Variants in IQCJ observed in about 807,000 individuals in gnomAD.
IQCJ encodes IQ motif containing J, also known as IQ domain-containing protein J.
A neutral mutation model predicts 11.0 loss-of-function variants in IQCJ; 9 were observed. The ratio of observed to expected loss-of-function variants is 0.82; its 90% CI spans 0.49 to 1.43. IQCJ has a LOEUF of 1.43. Ranked by LOEUF, IQCJ falls within the 40% of genes most tolerant of loss-of-function variation. IQCJ has a pLI of 0.00. For synonymous variants in IQCJ, 55 were observed against 51.3 expected, an observed-to-expected ratio of 1.07 and a Z score of -0.31; for missense variants, 146 against 133.2, an observed-to-expected ratio of 1.10 and a Z score of -0.47.
intron 1 of IQCJ, among the ~76,000 whole-genome samples, chr3:159,184,016 G>A (rs1271785075): frequency 1.3e-5 from 2 of 151,094 alleles, no homozygotes; most frequent in Non-Finnish European, 2.9e-5. Flanking sequence ...AGAGATCTTT[G>A]TAAAACCTAA....
chr3:159,239,067 A>G (rs1726757773), intron 1 of IQCJ, among the ~76,000 whole-genome samples: 1 of 152,226 alleles, frequency 6.6e-6, no homozygotes, highest in African/African-American at 2.4e-5. Flanking sequence ...TGCTTTTAAT[A>G]GTAAAATAAA....
At chr3:159,101,781 C>A (rs1717943773) in intron 1 of IQCJ, among the ~76,000 whole-genome samples, 1 of 152,174 alleles carries the variant, frequency 6.6e-6, no homozygotes, top group Non-Finnish European at 1.5e-5. Flanking sequence ...AATGTCAAGA[C>A]CCCAGCCCTT....
intron 1 of IQCJ, among the ~76,000 whole-genome samples, chr3:159,130,618 G>T (rs183054577): frequency 6.6e-6 from 1 of 152,206 alleles, no homozygotes; most frequent in East Asian, 1.9e-4. Context: ...ACCTTGCCTG[G>T]CATGTATAGT....
intron 1 of IQCJ, among the ~76,000 whole-genome samples, chr3:159,115,566 C>A (rs943450906): frequency 5.9e-5 from 9 of 151,868 alleles, no homozygotes; most frequent in Non-Finnish European, 1.0e-4. Context: ...AGATTAGGAG[C>A]AACTGGAAGC....
chr3:159,085,423 G>A (rs1716663569), intron 1 of IQCJ, among the ~76,000 whole-genome samples: 1 of 152,008 alleles, frequency 6.6e-6, no homozygotes, highest in Non-Finnish European at 1.5e-5. Context: ...AGTCATTTGG[G>A]TATATACCCA....
At chr3:159,113,558 T>C (rs1718766887) in intron 1 of IQCJ, among the ~76,000 whole-genome samples, 1 of 152,212 alleles carries the variant, frequency 6.6e-6, no homozygotes, top group Non-Finnish European at 1.5e-5. Flanking sequence ...TTGCTTTATG[T>C]TCGTTTAATA....
At chr3:159,134,699 G>A (rs1233987187) in intron 1 of IQCJ, among the ~76,000 whole-genome samples, 1 of 152,084 alleles carries the variant, frequency 6.6e-6, no homozygotes, top group Non-Finnish European at 1.5e-5. Flanking sequence ...ATCTTTCTTG[G>A]TAGCTGTCCA....
Position 159,197,819 on chromosome 3 carries a change from T to G in IQCJ, c.10-48024T>G, listed in dbSNP as rs535225496. Among the ~76,000 whole-genome samples the G allele has an allele frequency of 3.9e-5, 6 of 151,980 alleles. No individual in the cohort carries two copies. The South Asian group carries it at 1.2e-3, about 32-fold the overall frequency. ...TTGTGGTACTGTGGACCCAATGTGG[T>G]CAGCTTTTCCTGTTTTTTTTTTTAA... On this transcript the variant is annotated intron_variant, in intron 1 of 3. Coordinates refer to ENST00000397832, the MANE Select transcript of IQCJ (RefSeq NM_001042706.3).
intron 1 of IQCJ, among the ~76,000 whole-genome samples, chr3:159,201,393 G>A (rs1354378844): frequency 3.3e-5 from 5 of 152,104 alleles, no homozygotes; most frequent in Admixed American, 6.6e-5. Flanking sequence ...AAACAAGCAC[G>A]TTAGTGGAGA....
At chr3:159,113,482 G>A (rs1040163088) in intron 1 of IQCJ, among the ~76,000 whole-genome samples, 4 of 152,232 alleles carry the variant, frequency 2.6e-5, no homozygotes, top group African/African-American at 4.8e-5. Flanking sequence ...GTCTGTCACA[G>A]AGAAGCAAAT....
At chr3:159,204,305 T>C (rs1577079079) in intron 1 of IQCJ, among the ~76,000 whole-genome samples, 1 of 152,168 alleles carries the variant, frequency 6.6e-6, no homozygotes, top group Admixed American at 6.5e-5. Flanking sequence ...GATGATTGAA[T>C]GGTTTTAGTG....
At chr3:159,198,291 A>G (rs2108058273) in intron 1 of IQCJ, among the ~76,000 whole-genome samples, 1 of 152,286 alleles carries the variant, frequency 6.6e-6, no homozygotes, top group Middle Eastern at 3.4e-3. Flanking sequence ...GATTCTGAAC[A>G]AATGGAAAAG....
intron 1 of IQCJ, among the ~76,000 whole-genome samples, chr3:159,151,675 G>A (rs979068678): frequency 2.6e-5 from 4 of 152,156 alleles, no homozygotes; most frequent in African/African-American, 7.2e-5. Context: ...TCGCTCTGTC[G>A]CCCAGGCTGG....
chr3:159,108,770 C>T (rs1216733789), intron 1 of IQCJ, among the ~76,000 whole-genome samples: 1 of 152,194 alleles, frequency 6.6e-6, no homozygotes, highest in East Asian at 1.9e-4. Flanking sequence ...CACTTGGTCA[C>T]AGTAGCAACT....
intron 1 of IQCJ, among the ~76,000 whole-genome samples, chr3:159,141,517 A>G (rs1226789247): frequency 1.3e-5 from 2 of 152,264 alleles, no homozygotes; most frequent in Non-Finnish European, 2.9e-5. Flanking sequence ...ACCTGTAACC[A>G]TGACTACAAA....
chr3:159,214,621 C>G (rs1265595165), intron 1 of IQCJ, among the ~76,000 whole-genome samples: 1 of 152,172 alleles, frequency 6.6e-6, no homozygotes, highest in Non-Finnish European at 1.5e-5. Flanking sequence ...TTTCCTCCAC[C>G]CATTCACATA....
At position 159,262,365 on chromosome 3, in the gene IQCJ, C is replaced by G. The variant is rs184095019; in HGVS notation, c.156-183C>G. ...CAAACCAGTAAGGTAGGGAGACAGT[C>G]TCCATGGCTGGATTGAAGTTAAAGT... On this transcript the variant is annotated intron_variant, in intron 3 of 3. Coordinates refer to ENST00000397832, the MANE Select transcript of IQCJ (RefSeq NM_001042706.3). Among the ~76,000 whole-genome samples the G allele has an allele frequency of 2.2e-4, 33 of 152,314 alleles. No individual in the cohort carries two copies. In the East Asian group the frequency reaches 6.0e-3, roughly 28 times the overall value.
intron 1 of IQCJ, among the ~76,000 whole-genome samples, chr3:159,212,454 G>A (rs2108094939): frequency 6.6e-6 from 1 of 152,316 alleles, no homozygotes; most frequent in African/African-American, 2.4e-5. Flanking sequence ...ATCCTGATAA[G>A]TATTACATAA....
At chr3:159,168,186 C>A (rs1207407020) in intron 1 of IQCJ, among the ~76,000 whole-genome samples, 1 of 152,136 alleles carries the variant, frequency 6.6e-6, no homozygotes, top group Non-Finnish European at 1.5e-5. Context: ...AGGGATCCGG[C>A]CTTTACCAGT....
Sources: gnomAD v4.1 joint callset for allele counts (sites outside exome capture counted in the v4.1 genomes callset) on GRCh38, gnomAD v4.1.1 for gene constraint, MANE v1.5 for transcripts, NCBI Gene and HGNC (gene_info 2026-07-23, HGNC 2026-07-21) for gene names.